FRMD4A: variants seen among roughly 807,000 people sequenced by gnomAD.
FRMD4A encodes FERM domain-containing protein 4A.
In FRMD4A, 29 loss-of-function variants were observed where a neutral mutation model predicts 129.1. The ratio of observed to expected loss-of-function variants is 0.22; its 90% CI spans 0.17 to 0.31. The LOEUF is 0.31. Among genes scored for constraint, FRMD4A ranks in the 10% least tolerant of loss-of-function variants. The probability of loss-of-function intolerance (pLI) is 1.00; values close to 1 mark genes in which losing one functional copy is unlikely to be tolerated. For synonymous variants in FRMD4A, 634 were observed against 571.6 expected (o/e 1.11, Z -1.56); for missense variants, 1,272 against 1,375.8 (o/e 0.92, Z 1.19).
At chr10:14,023,643 A>G (rs1426644750) in intron 2 of FRMD4A, among the ~76,000 whole-genome samples, 1 of 152,130 alleles carries the variant, frequency 6.6e-6, no homozygotes, top group Non-Finnish European at 1.5e-5. Context: ...CCAACAGAAA[A>G]CCCTGAGAAA....
At chr10:14,185,536 A>AT (rs1169914656) in intron 2 of FRMD4A, among the ~76,000 whole-genome samples, 3 of 151,420 alleles carry the variant, frequency 2.0e-5, no homozygotes, top group Non-Finnish European at 4.4e-5. Context: ...GAACTATGGA[A>AT]ACTTGAAACA....
intron 2 of FRMD4A, among the ~76,000 whole-genome samples, chr10:14,279,029 G>C (rs1330459365): frequency 6.6e-6 from 1 of 152,102 alleles, no homozygotes; most frequent in Non-Finnish European, 1.5e-5. Flanking sequence ...GCATCTAACA[G>C]TGTTGGGGCC....
Position 13,701,331 on chromosome 10 carries a change from G to A in FRMD4A, c.975+9C>T. The A allele has an allele frequency of 1.2e-6, 2 of 1,610,654 alleles. No individual in the cohort carries two copies. Among genetic ancestry groups the A allele is most frequent in the Non-Finnish European group, 1.7e-6 (2 of 1,177,646 alleles). ...TGGCCCGGGCTTGGTGAGAGGTCTGGTCACTCACCTTACTCTGCTTTCTGT... is the reference window on the plus strand; with the variant it reads ...TGGCCCGGGCTTGGTGAGAGGTCTGATCACTCACCTTACTCTGCTTTCTGT... On this transcript the variant is annotated intron_variant, in intron 14 of 24. Coordinates refer to ENST00000357447, the MANE Select transcript of FRMD4A (RefSeq NM_018027.5).
At chr10:14,101,932 C>T (rs1002218175) in intron 2 of FRMD4A, among the ~76,000 whole-genome samples, 6 of 152,146 alleles carry the variant, frequency 3.9e-5, no homozygotes, top group African/African-American at 1.4e-4. Flanking sequence ...TATTGGATGA[C>T]CATCATTACT....
At chr10:13,960,257 A>G (rs919062063) in intron 2 of FRMD4A, among the ~76,000 whole-genome samples, 18 of 152,242 alleles carry the variant, frequency 1.2e-4, no homozygotes, top group African/African-American at 4.3e-4. Flanking sequence ...GGAAACTGAA[A>G]GGAAACTCAC....
intron 16 of FRMD4A, among the ~76,000 whole-genome samples, chr10:13,672,733 C>A (rs543723774): frequency 2.6e-5 from 4 of 152,242 alleles, no homozygotes; most frequent in Non-Finnish European, 5.9e-5. Flanking sequence ...TCTAGTTGCC[C>A]CCCTCCCCAG....
intron 13 of FRMD4A, 89 bp from the exon 14 acceptor site, chr10:13,701,567 G>A (rs185471885): frequency 3.6e-5 from 45 of 1,237,444 alleles, no homozygotes; most frequent in African/African-American, 2.5e-4. Flanking sequence ...AACCCACTGC[G>A]TCCTAGAAGC....
chr10:14,186,912 G>C (rs766348013), intron 2 of FRMD4A, among the ~76,000 whole-genome samples: 1 of 150,994 alleles, frequency 6.6e-6, no homozygotes, highest in Admixed American at 6.6e-5. Context: ...TTGAGCCCAG[G>C]AGTTTTGAGA....
At position 13,858,773 on chromosome 10, in the gene FRMD4A, T is replaced by A. The variant is rs572679054; in HGVS notation, c.111+74A>T. 11 of 858,262 alleles carry A rather than the reference T, an allele frequency of 1.3e-5. No individual in the cohort carries two copies. In the Admixed American group the frequency reaches 1.7e-4, roughly 13 times the overall value. The allele number at this position is 858,262 out of a possible 1,614,324, so 53.2% of individuals were successfully genotyped here. ...AAACAGTTTACCAAATCCCCCTTCA[T>A]CCCCAGCTGGATCAAGGTCTGAAAC... On this transcript the variant is annotated intron_variant, in intron 3 of 24. Coordinates refer to ENST00000357447, the MANE Select transcript of FRMD4A (RefSeq NM_018027.5).
intron 2 of FRMD4A, among the ~76,000 whole-genome samples, chr10:13,938,594 CA>C (rs1311839601): frequency 6.6e-6 from 1 of 152,094 alleles, no homozygotes; most frequent in Non-Finnish European, 1.5e-5. Flanking sequence ...TCTATTGCCT[CA>C]ATAGAGTATA....
chr10:13,925,566 CTTTTT>C (rs66980805), intron 2 of FRMD4A, among the ~76,000 whole-genome samples: 4,309 of 61,382 alleles, frequency 0.07, 582 homozygotes, highest in South Asian at 0.11. Flanking sequence ...TAGTGAAACG[CTTTTT>C]TTTTTTTTTT....
intron 2 of FRMD4A, among the ~76,000 whole-genome samples, chr10:13,878,518 C>T (rs1380885057): frequency 2.0e-5 from 3 of 152,034 alleles, no homozygotes; most frequent in African/African-American, 2.4e-5. Context: ...TTTGGGAGGC[C>T]GAGGCGGGCA....
chr10:13,867,893 CAATA>C (rs1231923189), intron 2 of FRMD4A, among the ~76,000 whole-genome samples: 2 of 136,234 alleles, frequency 1.5e-5, no homozygotes, highest in Non-Finnish European at 3.1e-5. Flanking sequence ...ATATAATATA[CAATA>C]AATAATATAT....
intron 2 of FRMD4A, among the ~76,000 whole-genome samples, chr10:13,942,311 C>G (rs541365541): frequency 6.6e-6 from 1 of 152,320 alleles, no homozygotes; most frequent in Admixed American, 6.5e-5. Flanking sequence ...GGGCCCCTCC[C>G]TGTGTACTGC....
rs563334967 is a variant in FRMD4A at position 14,103,404 on chromosome 10, T to C, written c.45+226654A>G. Among the ~76,000 whole-genome samples, 17 of 152,326 alleles carry C rather than the reference T, an allele frequency of 1.1e-4. No individual in the cohort carries two copies. The South Asian group carries it at 3.3e-3, about 30-fold the overall frequency. ...CAGCCTGGAATACAGATGTGATGCC[T>C]GGATCTCAAGTAGCTATTTGGGGCT... On this transcript the variant is annotated intron_variant, in intron 2 of 24. Transcript: ENST00000357447.
At position 13,716,827 on chromosome 10, in the gene FRMD4A, T is replaced by G. The variant is rs113948152; in HGVS notation, c.760-9714A>C. On this transcript the variant is annotated intron_variant, in intron 12 of 24. Transcript: ENST00000357447. ...CTTGATTTCCTTGTAATTTTCTCCC[T>G]AGAGGCCTCTCTCTGTATTATTTTC... is the stretch of plus-strand genomic sequence containing the variant. 2.0e-4 allele frequency among the ~76,000 whole-genome samples: 30 copies of G among 152,362 alleles called. 2 individuals carry two copies. The highest frequency in any genetic ancestry group is 7.0e-4 in the African/African-American group (29 of 41,588).
chr10:13,670,648 G>C, intron 16 of FRMD4A, 120 bp from the exon 17 acceptor site: 1 of 867,122 alleles, frequency 1.2e-6, no homozygotes, highest in African/African-American at 1.7e-5. Context: ...CTTCGATACA[G>C]GTCAACGCTT....
chr10:14,116,630 C>T (rs1181534582), intron 2 of FRMD4A, among the ~76,000 whole-genome samples: 1 of 152,176 alleles, frequency 6.6e-6, no homozygotes, highest in African/African-American at 2.4e-5. Context: ...AACTCAGCTT[C>T]CTCACCACGG....
chr10:14,287,932 A>G (rs191339505), intron 2 of FRMD4A, among the ~76,000 whole-genome samples: 1 of 152,242 alleles, frequency 6.6e-6, no homozygotes, highest in East Asian at 1.9e-4. Flanking sequence ...AAAAATCTCA[A>G]AGTGGCTTAC....
Sources: allele counts gnomAD v4.1 joint callset (sites outside exome capture counted in the v4.1 genomes callset), GRCh38; gene constraint gnomAD v4.1.1; transcripts MANE v1.5; gene names NCBI Gene and HGNC (gene_info 2026-07-23, HGNC 2026-07-21).